Variants in ABCB1 observed in about 807,000 individuals in gnomAD.
ABCB1 encodes ATP-dependent translocase ABCB1.
In ABCB1, 69 loss-of-function variants were observed where a neutral mutation model predicts 142.0. That is an observed-to-expected ratio of 0.49 (90% CI 0.40 to 0.59). ABCB1 has a LOEUF of 0.59. Among genes scored for constraint, ABCB1 ranks in the 20% least tolerant of loss-of-function variants. The pLI is 0.00. For missense variants in ABCB1, 1,326 were observed against 1,554.7 expected, an observed-to-expected ratio of 0.85 and a Z score of 2.47; for synonymous variants, 532 against 539.2, an observed-to-expected ratio of 0.99 and a Z score of 0.18.
intron 1 of ABCB1, among the ~76,000 whole-genome samples, chr7:87,676,519 C>A (rs542241059): frequency 6.6e-6 from 1 of 152,036 alleles, no homozygotes; most frequent in Non-Finnish European, 1.5e-5. Context: ...GCCTGGCCAA[C>A]ATGGTGAAAC....
At position 87,545,017 on chromosome 7, in the gene ABCB1, T is replaced by G; in HGVS notation, c.1888-18A>C. 1.2e-6 allele frequency: 2 copies of G among 1,610,918 alleles called. No homozygotes were observed. Among genetic ancestry groups the G allele is most frequent in the East Asian group, 4.5e-5 (2 of 44,816 alleles). ...CCTGCTGTCTAAAATAAATAAGAAA[T>G]ATGCAAAAGCTCATTAGGCTGTGTG... On this transcript the variant is annotated intron_variant, in intron 15 of 27. Transcript: ENST00000622132.
intron 1 of ABCB1, among the ~76,000 whole-genome samples, chr7:87,637,726 A>T (rs1821930135): frequency 6.6e-6 from 1 of 152,080 alleles, no homozygotes; most frequent in Non-Finnish European, 1.5e-5. Context: ...TTGTTGGTAT[A>T]TCGATATAAA....
At chr7:87,609,804 A>T (rs962357305) in intron 1 of ABCB1, among the ~76,000 whole-genome samples, 3 of 152,146 alleles carry the variant, frequency 2.0e-5, no homozygotes, top group African/African-American at 7.2e-5. Flanking sequence ...CAAGTATCAG[A>T]TACCAAAGCT....
intron 1 of ABCB1, among the ~76,000 whole-genome samples, chr7:87,671,500 T>C (rs1236132590): frequency 1.3e-5 from 2 of 152,178 alleles, no homozygotes; most frequent in Non-Finnish European, 2.9e-5. Context: ...GTGGTATGTT[T>C]GCTCCAGTAC....
chr7:87,568,114 A>G lies in ABCB1; in HGVS notation c.339-1138T>C, dbSNP rs951561877. 2.0e-5 allele frequency among the ~76,000 whole-genome samples: 3 copies of G among 150,404 alleles called. No individual in the cohort carries two copies. The East Asian group carries it at 5.9e-4, about 29-fold the overall frequency. ...CTGGACTCCATCTCAAAAAAAAAAAAAGAAAAGCAAACAATTCACACCTGT... is the reference window on the plus strand; with the variant it reads ...CTGGACTCCATCTCAAAAAAAAAAAGAGAAAAGCAAACAATTCACACCTGT... On this transcript the variant is annotated intron_variant, in intron 5 of 27. Coordinates refer to ENST00000622132, the MANE Select transcript of ABCB1 (RefSeq NM_001348946.2).
At chr7:87,621,865 C>A (rs116888417) in intron 1 of ABCB1, among the ~76,000 whole-genome samples, 4,723 of 151,958 alleles carry the variant, frequency 0.031, 73 homozygotes, top group Middle Eastern at 0.048. Flanking sequence ...TAAAATGCAA[C>A]CTTGTTATTT....
At chr7:87,570,318 A>G in intron 4 of ABCB1, 95 bp from the exon 5 acceptor site, 1 of 1,228,344 alleles carries the variant, frequency 8.1e-7, no homozygotes, top group African/African-American at 1.5e-5. Context: ...TCATTTAATG[A>G]TTTACATAAA....
At chr7:87,516,855 G>A (rs922844219) in intron 23 of ABCB1, among the ~76,000 whole-genome samples, 190 bp from the exon 24 acceptor site, 1 of 149,256 alleles carries the variant, frequency 6.7e-6, no homozygotes, top group African/African-American at 2.5e-5. Context: ...TCCCACCTCA[G>A]CCTCTGTAGT....
At chr7:87,688,033 G>T (rs1827644657) in intron 1 of ABCB1, among the ~76,000 whole-genome samples, 1 of 151,974 alleles carries the variant, frequency 6.6e-6, no homozygotes, top group Admixed American at 6.6e-5. Context: ...CATATACTCA[G>T]GCCAAAACAT....
At chr7:87,534,383 T>C (rs1816187243) in intron 20 of ABCB1, among the ~76,000 whole-genome samples, 2 of 152,166 alleles carry the variant, frequency 1.3e-5, no homozygotes, top group East Asian at 1.9e-4. Context: ...TGTATATTCC[T>C]CCTACAGAGT....
intron 1 of ABCB1, among the ~76,000 whole-genome samples, chr7:87,626,175 T>TGTCATATATATGTGTCATATATATG (rs1820475397): frequency 2.4e-5 from 2 of 83,740 alleles, no homozygotes; most frequent in Non-Finnish European, 2.4e-5. Flanking sequence ...TCATATATAT[T>TGTCATATATATGTGTCATATATATG]GTCATATATA....
chr7:87,707,361 A>G (rs1829694570), intron 1 of ABCB1, among the ~76,000 whole-genome samples: 1 of 152,176 alleles, frequency 6.6e-6, no homozygotes, highest in Admixed American at 6.5e-5. Context: ...TGAAATACAT[A>G]AAATTACTAG....
In ABCB1 at chr7:87,537,552, T is replaced by C. The variant is rs114643756; in HGVS notation, c.2398-1011A>G. On this transcript the variant is annotated intron_variant, in intron 19 of 27. Transcript: ENST00000622132. ...AGAACGGAGCTGTCGCTTACTGATA[T>C]AGGGGAAGAGTGGGTAAGGAATAAG... is the stretch of plus-strand genomic sequence containing the variant. Among the ~76,000 whole-genome samples, 399 of 152,166 alleles carry C rather than the reference T, an allele frequency of 2.6e-3. 1 individual carries two copies. The highest frequency in any genetic ancestry group is 9.0e-3 in the African/African-American group (375 of 41,518).
chr7:87,520,441 C>A (rs1177865782), intron 22 of ABCB1, among the ~76,000 whole-genome samples: 3 of 152,066 alleles, frequency 2.0e-5, no homozygotes, highest in African/African-American at 4.8e-5. Flanking sequence ...CCCACAGGTA[C>A]CTCAAATTTC....
chr7:87,569,599 C>T (rs755026969), intron 5 of ABCB1, among the ~76,000 whole-genome samples: 3 of 152,052 alleles, frequency 2.0e-5, no homozygotes, highest in African/African-American at 7.2e-5. Flanking sequence ...TTTCTTTTGG[C>T]TGCTTTCATT....
chr7:87,508,655 G>A (rs1367409919), intron 26 of ABCB1, among the ~76,000 whole-genome samples: 1 of 152,174 alleles, frequency 6.6e-6, no homozygotes, highest in Non-Finnish European at 1.5e-5. Context: ...CCCATGAAAT[G>A]TATGACGATG....
chr7:87,576,617 C>T (rs1818283710), intron 4 of ABCB1, among the ~76,000 whole-genome samples: 1 of 151,736 alleles, frequency 6.6e-6, no homozygotes, highest in Non-Finnish European at 1.5e-5. Flanking sequence ...TTGAGTTCTT[C>T]CTCAAGGCTT....
At chr7:87,599,664 T>C (rs937682703) in intron 2 of ABCB1, among the ~76,000 whole-genome samples, 1 of 152,212 alleles carries the variant, frequency 6.6e-6, no homozygotes, top group Middle Eastern at 3.2e-3. Context: ...AACGGTTGGA[T>C]AGGACAAATA....
intron 17 of ABCB1, among the ~76,000 whole-genome samples, chr7:87,542,768 T>C (rs947781249): frequency 6.6e-6 from 1 of 152,058 alleles, no homozygotes; most frequent in Non-Finnish European, 1.5e-5. Flanking sequence ...TGGCCAAATG[T>C]TTATATAAAG....
Sources: gnomAD v4.1 joint callset for allele counts (sites outside exome capture counted in the v4.1 genomes callset) on GRCh38, gnomAD v4.1.1 for gene constraint, MANE v1.5 for transcripts, NCBI Gene and HGNC (gene_info 2026-07-23, HGNC 2026-07-21) for gene names.